Variants in CUX1 observed in about 807,000 individuals in gnomAD.
CUX1 encodes protein CASP.
A neutral mutation model predicts 158.8 loss-of-function variants in CUX1; 31 were observed. That is an observed-to-expected ratio of 0.20 (90% CI 0.15 to 0.26). CUX1 has a LOEUF of 0.26. CUX1 is among the 10% of genes least tolerant of loss of function. The pLI is 1.00. For synonymous variants in CUX1, 879 were observed against 862.1 expected, an observed-to-expected ratio of 1.02 and a Z score of -0.34; for missense variants, 1,589 against 2,014.6, an observed-to-expected ratio of 0.79 and a Z score of 4.04.
intron 1 of CUX1, among the ~76,000 whole-genome samples, chr7:101,912,687 A>G (rs1241970311): frequency 1.3e-5 from 2 of 152,182 alleles, no homozygotes; most frequent in Non-Finnish European, 2.9e-5. Context: ...ATATTCTTTT[A>G]AACATTGTGT....
chr7:102,088,172 AT>A (rs1828147082), intron 4 of CUX1, among the ~76,000 whole-genome samples: 1 of 151,900 alleles, frequency 6.6e-6, no homozygotes, highest in Non-Finnish European at 1.5e-5. Flanking sequence ...TAATTTTTGT[AT>A]TTTTAGTAGA....
intron 2 of CUX1, among the ~76,000 whole-genome samples, chr7:101,970,831 C>T (rs539520654): frequency 1.2e-3 from 189 of 152,310 alleles, no homozygotes; most frequent in Middle Eastern, 0.01. Flanking sequence ...GCTAGGATTA[C>T]AGGCGTGAGC....
At chr7:101,848,671 A>G (rs111687423) in intron 1 of CUX1, among the ~76,000 whole-genome samples, 4,684 of 152,042 alleles carry the variant, frequency 0.031, 244 homozygotes, top group African/African-American at 0.11. Flanking sequence ...CTTAACCATA[A>G]GGATCAGAAA....
intron 3 of CUX1, among the ~76,000 whole-genome samples, chr7:102,055,130 T>G (rs1482146767): frequency 6.6e-6 from 1 of 152,258 alleles, no homozygotes; most frequent in Non-Finnish European, 1.5e-5. Context: ...TTTTGTGGTT[T>G]TTAGAGCACA....
Position 102,252,484 on chromosome 7 carries a change from A to G in CUX1, c.*3442A>G, listed in dbSNP as rs782002574. 1 of 985,464 alleles carries G rather than the reference A, an allele frequency of 1.0e-6. No individual in the cohort carries two copies. The highest frequency in any genetic ancestry group is 1.2e-6 in the Non-Finnish European group (1 of 829,940). 61.0% of individuals were successfully genotyped at this position (985,464 alleles called of 1,614,324 possible). A position where few individuals can be genotyped will look rare whatever the true frequency, so the allele number is the denominator to read the frequency against. On this transcript the variant is annotated 3_prime_UTR_variant, in exon 24 of 24. Coordinates refer to ENST00000292535, the MANE Select transcript of CUX1 (RefSeq NM_181552.4). ...TATAAAACACTAACACTTAATTACA[A>G]GCTCCATTATGCCATTTTAAATGGC...
intron 3 of CUX1, among the ~76,000 whole-genome samples, chr7:102,031,535 C>T (rs890289991): frequency 1.3e-5 from 2 of 151,702 alleles, no homozygotes; most frequent in African/African-American, 4.8e-5. Context: ...TTTTAAAGGC[C>T]ATATGAAAGC....
chr7:102,085,873 C>A (rs1384105506), intron 4 of CUX1, among the ~76,000 whole-genome samples: 1 of 152,122 alleles, frequency 6.6e-6, no homozygotes, highest in Non-Finnish European at 1.5e-5. Context: ...AAATTCAATT[C>A]ATCAGTGTTG....
In CUX1 at chr7:102,252,014, G is replaced by A. The variant is rs1383114710; in HGVS notation, c.*2972G>A. ...TTCTTAGATTTTTAACTAGGTTACT[G>A]TTGGTTCCCATTCTGTCTTTTTTGC... On this transcript the variant is annotated 3_prime_UTR_variant, in exon 24 of 24. Coordinates refer to ENST00000292535, the MANE Select transcript of CUX1 (RefSeq NM_181552.4). 2.0e-6 allele frequency: 2 copies of A among 985,180 alleles called. No homozygotes were observed. The highest frequency in any genetic ancestry group is 2.4e-6 in the Non-Finnish European group (2 of 829,920). The allele number at this position is 985,180 out of a possible 1,614,324, so 61.0% of individuals were successfully genotyped here. A position where few individuals can be genotyped will look rare whatever the true frequency, so the allele number is the denominator to read the frequency against.
chr7:101,932,702 C>A (rs552952754), intron 2 of CUX1: 4 of 424,560 alleles, frequency 9.4e-6, no homozygotes, highest in Admixed American at 5.0e-5. Context: ...CAACAACCCA[C>A]GAAAGGTATT....
chr7:102,168,550 A>G (rs1291300848), intron 9 of CUX1, among the ~76,000 whole-genome samples: 1 of 149,714 alleles, frequency 6.7e-6, no homozygotes, highest in Non-Finnish European at 1.5e-5. Context: ...AGGCTGAGGC[A>G]GGAGAATCGC....
intron 2 of CUX1, among the ~76,000 whole-genome samples, chr7:101,920,640 TTG>T (rs1333499087): frequency 3.5e-4 from 54 of 152,354 alleles, no homozygotes; most frequent in African/African-American, 1.3e-3. Flanking sequence ...TCATATGATA[TTG>T]TGTCTTTTTA....
chr7:101,831,909 CT>C, intron 1 of CUX1, among the ~76,000 whole-genome samples: 1 of 150,450 alleles, frequency 6.6e-6, no homozygotes, highest in Non-Finnish European at 1.5e-5. Context: ...GCCAGGCTAA[CT>C]TTTTTGTATT....
intron 1 of CUX1, among the ~76,000 whole-genome samples, chr7:101,836,446 G>A (rs1426358400): frequency 6.6e-6 from 1 of 152,084 alleles, no homozygotes; most frequent in Non-Finnish European, 1.5e-5. Flanking sequence ...TGGGATGAGA[G>A]TTGGTTGCCC....
intron 1 of CUX1, among the ~76,000 whole-genome samples, chr7:101,897,245 G>A (rs1362753509): frequency 1.3e-5 from 2 of 152,204 alleles, no homozygotes; most frequent in East Asian, 3.8e-4. Flanking sequence ...ACATCTTGTG[G>A]CTTGACATCC....
At chr7:102,175,288 C>T (rs1299053398) in intron 10 of CUX1, among the ~76,000 whole-genome samples, 2 of 152,230 alleles carry the variant, frequency 1.3e-5, no homozygotes, top group African/African-American at 4.8e-5. Context: ...TGACTTGCGC[C>T]TTGTAAAACC....
At position 101,922,493 on chromosome 7, in the gene CUX1, C is replaced by T. The variant is rs546228029; in HGVS notation, c.141+6268C>T. Among the ~76,000 whole-genome samples the T allele has an allele frequency of 5.3e-4, 80 of 152,296 alleles. No individual in the cohort carries two copies. The South Asian group carries it at 0.011, about 21-fold the overall frequency. On this transcript the variant is annotated intron_variant, in intron 2 of 23. Transcript: ENST00000292535. ...AGGACCTACGCACCTGGGAAATGCA[C>T]GTTTGCAGTTTCTGGGGGGCTCCCA...
intron 1 of CUX1, among the ~76,000 whole-genome samples, chr7:101,839,136 G>A (rs983415065): frequency 6.6e-6 from 1 of 152,082 alleles, no homozygotes; most frequent in African/African-American, 2.4e-5. Context: ...TCATCCTTAC[G>A]ACCTTCCAAA....
chr7:101,817,060 A>C (rs533380222), upstream of CUX1: 75 of 983,658 alleles, frequency 7.6e-5, no homozygotes, highest in African/African-American at 1.2e-3. This position sits in a 1 kb window ranked among gnomAD's most constrained non-coding sequence, Gnocchi z 4.1. Flanking sequence ...CTTTGGGGAA[A>C]CTTGGCGAGG....
chr7:101,842,213 G>A (rs745321213), intron 1 of CUX1, among the ~76,000 whole-genome samples: 8 of 152,200 alleles, frequency 5.3e-5, no homozygotes, highest in South Asian at 2.1e-4. Context: ...TCTTGCACAT[G>A]GTGGATTTTT....
Sources: allele counts gnomAD v4.1 joint callset (sites outside exome capture counted in the v4.1 genomes callset), GRCh38; gene constraint gnomAD v4.1.1; non-coding constraint Gnocchi (gnomAD v3.1); transcripts MANE v1.5; gene names NCBI Gene and HGNC (gene_info 2026-07-23, HGNC 2026-07-21).